CASTOR2: variants seen among roughly 807,000 people sequenced by gnomAD.
CASTOR2 encodes cytosolic arginine sensor for mTORC1 subunit 2.
In CASTOR2, 8 loss-of-function variants were observed where a neutral mutation model predicts 31.2. The ratio of observed to expected loss-of-function variants is 0.26; its 90% CI spans 0.15 to 0.46. CASTOR2 has a LOEUF of 0.46. CASTOR2 is among the 20% of genes least tolerant of loss of function. The probability of loss-of-function intolerance (pLI) is 0.99; values close to 1 mark genes in which losing one functional copy is unlikely to be tolerated. For synonymous variants in CASTOR2, 162 were observed against 158.7 expected (o/e 1.02, Z -0.16); for missense variants, 216 against 382.1 (o/e 0.57, Z 3.62).
At position 75,025,385 on chromosome 7, in the gene CASTOR2, C is replaced by T. The variant is rs936347599; in HGVS notation, c.*686C>T. ...AGGGCCCTGTCCAGACCCTCCCCCA[C>T]AAGCACTCAGTCCTTGGGGGAGGAG... On this transcript the variant is annotated 3_prime_UTR_variant, in exon 9 of 9. Transcript: ENST00000616305. 3.9e-5 allele frequency among the ~76,000 whole-genome samples: 6 copies of T among 152,212 alleles called. No homozygotes were observed. Among genetic ancestry groups the T allele is most frequent in the Non-Finnish European group, 5.9e-5 (4 of 68,024 alleles).
chr7:75,003,136 A>G lies in CASTOR2; in HGVS notation c.114-4858A>G, dbSNP rs1427647911. On this transcript the variant is annotated intron_variant, in intron 1 of 8. Transcript: ENST00000616305. ...AGATGTAATCCAAAGGCAAAGGGGGACCTGTAGCTTGAATTAAGAAGTGGT... is the reference window on the plus strand; with the variant it reads ...AGATGTAATCCAAAGGCAAAGGGGGGCCTGTAGCTTGAATTAAGAAGTGGT... Among the ~76,000 whole-genome samples the G allele has an allele frequency of 3.3e-5, 5 of 152,112 alleles. No homozygotes were observed. The East Asian group carries it at 9.7e-4, about 29-fold the overall frequency.
At chr7:75,020,324 C>A (rs1804964757) in intron 6 of CASTOR2, among the ~76,000 whole-genome samples, 175 bp downstream of exon 6, 1 of 148,086 alleles carries the variant, frequency 6.8e-6, no homozygotes, top group African/African-American at 2.5e-5. Context: ...CTCAAGGCAA[C>A]CTCCACCTCT....
At chr7:75,021,771 G>A in intron 6 of CASTOR2, 103 bp from the exon 7 acceptor site, 9 of 1,438,788 alleles carry the variant, frequency 6.3e-6, no homozygotes, top group Non-Finnish European at 8.6e-6. Context: ...GCCCAACCCT[G>A]CCTGGCCAGC....
intron 1 of CASTOR2, among the ~76,000 whole-genome samples, chr7:74,992,324 C>T (rs1804231426): frequency 6.6e-6 from 1 of 152,140 alleles, no homozygotes; most frequent in Non-Finnish European, 1.5e-5. Context: ...CTGTAGGGCC[C>T]TGTATGGTGG....
rs1191225496 is a variant in CASTOR2 at position 74,970,206 on chromosome 7, T to C, written c.113+5108T>C. Among the ~76,000 whole-genome samples, 8 of 78,484 alleles carry C rather than the reference T, an allele frequency of 1.0e-4. 2 individuals are homozygous for C. Among genetic ancestry groups the C allele is most frequent in the African/African-American group, 2.5e-4 (8 of 31,770 alleles). 51.5% of individuals were successfully genotyped at this position (78,484 alleles called of 152,430 possible). A position where few individuals can be genotyped will look rare whatever the true frequency, so the allele number is the denominator to read the frequency against. Reference sequence around the variant, plus strand: ...TCGTTGTAGAAGGCAGGATCACACCTGGTAGAAGCAGAGCCCAGCGACCCT... The same window carrying C: ...TCGTTGTAGAAGGCAGGATCACACCCGGTAGAAGCAGAGCCCAGCGACCCT... On this transcript the variant is annotated intron_variant, in intron 1 of 8. Coordinates refer to ENST00000616305, the MANE Select transcript of CASTOR2 (RefSeq NM_001145064.3).
chr7:74,967,808 T>A (rs1477549537), intron 1 of CASTOR2, among the ~76,000 whole-genome samples: 6 of 56,062 alleles, frequency 1.1e-4, no homozygotes, highest in Non-Finnish European at 1.7e-4. Context: ...GTGCTGGGAT[T>A]ACAGGCGTGA....
chr7:75,026,380 G>A lies in CASTOR2; in HGVS notation c.*1681G>A, dbSNP rs954516709. Among the ~76,000 whole-genome samples, 49 of 151,834 alleles carry A rather than the reference G, an allele frequency of 3.2e-4. No homozygotes were observed. Among genetic ancestry groups the A allele is most frequent in the Non-Finnish European group, 5.0e-4 (34 of 67,958 alleles). ...AGTTATTGTATTTTTTAATAGAGACGGGATTTCGTAACATTGCTCAGGCTG... is the reference window on the plus strand; with the variant it reads ...AGTTATTGTATTTTTTAATAGAGACAGGATTTCGTAACATTGCTCAGGCTG... On this transcript the variant is annotated 3_prime_UTR_variant, in exon 9 of 9. Transcript: ENST00000616305.
chr7:74,996,457 G>A (rs1804349219), intron 1 of CASTOR2, among the ~76,000 whole-genome samples: 1 of 152,028 alleles, frequency 6.6e-6, no homozygotes, highest in Admixed American at 6.6e-5. Context: ...TAGTGTCAGG[G>A]CAGGACTGCA....
At chr7:74,966,281 GC>G (rs71230907) in intron 1 of CASTOR2, among the ~76,000 whole-genome samples, 4 of 104 alleles carry the variant, frequency 0.038, no homozygotes, top group Admixed American at 0.17. Flanking sequence ...AAAAGTTCTT[GC>G]TTGGAAATCT....
intron 7 of CASTOR2, 84 bp downstream of exon 7, chr7:75,022,040 C>A: frequency 1.3e-6 from 2 of 1,490,474 alleles, no homozygotes; most frequent in Admixed American, 2.0e-5. Flanking sequence ...AGTGACTCGG[C>A]CCCTGCTGGG....
intron 7 of CASTOR2, among the ~76,000 whole-genome samples, chr7:75,023,736 A>G (rs28680597): frequency 0.11 from 16,718 of 152,032 alleles, 965 homozygotes; most frequent in South Asian, 0.12. Flanking sequence ...CACCACTCCC[A>G]GCCAAGGTGC....
chr7:74,997,040 G>C (rs1804370181), intron 1 of CASTOR2, among the ~76,000 whole-genome samples: 1 of 151,450 alleles, frequency 6.6e-6, no homozygotes, highest in Non-Finnish European at 1.5e-5. Flanking sequence ...CAGCCGCCTG[G>C]TGCTTTTTTA....
chr7:75,017,740 C>T lies in CASTOR2; in HGVS notation c.327C>T (p.Asp109=), dbSNP rs1372478642. ...AGTCAGTCATCGCCCCACTGGCTGACCAGAACATATCCGTGTTCATGCTGT... is the reference window on the plus strand; with the variant it reads ...AGTCAGTCATCGCCCCACTGGCTGATCAGAACATATCCGTGTTCATGCTGT... ...IAKSVIAPLA[D]QNISVFMLST... Residue 109 remains aspartate (D), a synonymous_variant, in exon 3 of 9, where the codon GAC becomes GAT. Transcript: ENST00000616305. The T allele has an allele frequency of 2.2e-5, 35 of 1,613,906 alleles. No individual in the cohort carries two copies. The highest frequency in any genetic ancestry group is 4.0e-5 in the African/African-American group (3 of 74,936).
chr7:75,016,880 T>G (rs1253582395), intron 2 of CASTOR2, among the ~76,000 whole-genome samples: 1 of 152,202 alleles, frequency 6.6e-6, no homozygotes, highest in Non-Finnish European at 1.5e-5. Context: ...TCCCATCCTG[T>G]TGAAGGCTGG....
intron 2 of CASTOR2, among the ~76,000 whole-genome samples, chr7:75,014,419 C>CA (rs1193842037): frequency 0.086 from 4,949 of 57,566 alleles, 145 homozygotes; most frequent in Middle Eastern, 0.15. Flanking sequence ...ACTAAAAATA[C>CA]AAAAAAAAAA....
chr7:74,991,912 G>A (rs1804221409), intron 1 of CASTOR2, among the ~76,000 whole-genome samples: 1 of 152,084 alleles, frequency 6.6e-6, no homozygotes, highest in Admixed American at 6.6e-5. Flanking sequence ...CCCAAGGAGT[G>A]AGGTCATCAC....
chr7:75,031,137 TTCTC>T lies in CASTOR2; in HGVS notation c.*6440_*6443del, dbSNP rs1446317920. 2.0e-5 allele frequency among the ~76,000 whole-genome samples: 3 copies of T among 152,160 alleles called. No individual in the cohort carries two copies. In the East Asian group the frequency reaches 5.8e-4, roughly 29 times the overall value. On this transcript the variant is annotated 3_prime_UTR_variant, in exon 9 of 9. Transcript: ENST00000616305. ...TGATAACAGTCCCAAGCCCTCCTCTTTCTCTATGCCAAAATCATTTCCGTTATCC... is the reference window on the plus strand; with the variant it reads ...TGATAACAGTCCCAAGCCCTCCTCTTTATGCCAAAATCATTTCCGTTATCC...
chr7:74,999,867 C>T (rs1208864097), intron 1 of CASTOR2, among the ~76,000 whole-genome samples: 1 of 152,080 alleles, frequency 6.6e-6, no homozygotes, highest in Admixed American at 6.6e-5. Context: ...CCTGCCTTGG[C>T]CTTCCAAAGT....
At chr7:75,000,392 G>A (rs1159661372) in intron 1 of CASTOR2, among the ~76,000 whole-genome samples, 6 of 152,160 alleles carry the variant, frequency 3.9e-5, no homozygotes, top group Admixed American at 3.9e-4. Context: ...AGGAGATGTG[G>A]CCAAACTCCC....
Sources: gnomAD v4.1 joint callset for allele counts (sites outside exome capture counted in the v4.1 genomes callset) on GRCh38, gnomAD v4.1.1 for gene constraint, MANE v1.5 for transcripts, NCBI Gene and HGNC (gene_info 2026-07-23, HGNC 2026-07-21) for gene names.